The following EVA1A variants were observed in gnomAD, a reference collection of about 807,000 sequenced individuals.
EVA1A encodes the protein protein eva-1 homolog A.
Under a neutral mutation model 9.8 loss-of-function variants are expected in EVA1A, and 7 were observed. The ratio of observed to expected loss-of-function variants is 0.71; its 90% CI spans 0.41 to 1.34. The LOEUF is 1.34. Ranked by LOEUF, EVA1A falls within the 40% of genes most tolerant of loss-of-function variation. The pLI, the probability that EVA1A is intolerant of heterozygous loss-of-function variation, is 0.01. For missense variants in EVA1A, 206 were observed against 205.9 expected, an observed-to-expected ratio of 1.00 and a Z score of 0.00; for synonymous variants, 90 against 85.6, an observed-to-expected ratio of 1.05 and a Z score of -0.28.
At chr2:75,539,286 T>G (rs894687233) in intron 1 of EVA1A, among the ~76,000 whole-genome samples, 2 of 152,136 alleles carry the variant, frequency 1.3e-5, no homozygotes, top group Admixed American at 6.6e-5. Context: ...GAATATGAAG[T>G]GATTATACAC....
intron 1 of EVA1A, among the ~76,000 whole-genome samples, chr2:75,548,848 C>A (rs1188828154): frequency 6.6e-6 from 1 of 151,944 alleles, no homozygotes; most frequent in Non-Finnish European, 1.5e-5. Flanking sequence ...GAATGCCCAT[C>A]CCGTAATAAC....
chr2:75,539,185 T>C (rs1194475461), intron 1 of EVA1A, among the ~76,000 whole-genome samples: 1 of 152,198 alleles, frequency 6.6e-6, no homozygotes, highest in East Asian at 1.9e-4. Flanking sequence ...TTAGGGGAAA[T>C]ATCCTCTTTC....
intron 1 of EVA1A, among the ~76,000 whole-genome samples, chr2:75,527,034 GCAGA>G (rs1231624876): frequency 6.6e-6 from 1 of 152,158 alleles, no homozygotes; most frequent in Non-Finnish European, 1.5e-5. Flanking sequence ...CACAACTGGT[GCAGA>G]CAAACAGACT....
intron 1 of EVA1A, among the ~76,000 whole-genome samples, chr2:75,535,898 C>T (rs1470867168): frequency 6.6e-6 from 1 of 151,984 alleles, no homozygotes; most frequent in Non-Finnish European, 1.5e-5. Flanking sequence ...ATCCATGTAA[C>T]CAAAAAATAC....
intron 1 of EVA1A, among the ~76,000 whole-genome samples, chr2:75,557,088 C>A (rs1558694347): frequency 6.6e-6 from 1 of 152,168 alleles, no homozygotes. Context: ...GACCTCACCC[C>A]ACTGAAGTTT....
At position 75,492,697 on chromosome 2, in the gene EVA1A, G is replaced by A. The variant is rs1674073943; in HGVS notation, c.*539C>T. 1 of 153,036 alleles carries A rather than the reference G, an allele frequency of 6.5e-6. No individual in the cohort carries two copies. The highest frequency in any genetic ancestry group is 1.5e-5 in the Non-Finnish European group (1 of 68,388). 9.5% of individuals were successfully genotyped at this position (153,036 alleles called of 1,614,324 possible). On this transcript the variant is annotated 3_prime_UTR_variant, in exon 4 of 4. Coordinates refer to ENST00000393913, the MANE Select transcript of EVA1A (RefSeq NM_001135032.2). ...ACTAAAAAGTAGGATTTTAATCCCT[G>A]AGGTGCCAGTTAAAATGGACGAGGT...
chr2:75,541,022 G>A (rs190780396), intron 1 of EVA1A, among the ~76,000 whole-genome samples: 69 of 152,276 alleles, frequency 4.5e-4, no homozygotes, highest in Non-Finnish European at 6.2e-4. Flanking sequence ...TATACCTGCT[G>A]GACATCTCAT....
chr2:75,535,711 T>C (rs1161074305), intron 1 of EVA1A, among the ~76,000 whole-genome samples: 1 of 152,176 alleles, frequency 6.6e-6, no homozygotes, highest in Non-Finnish European at 1.5e-5. Flanking sequence ...TGTGTTCTCT[T>C]ACAAGTAGGA....
chr2:75,516,577 T>C (rs1274114868), intron 3 of EVA1A, among the ~76,000 whole-genome samples: 1 of 152,206 alleles, frequency 6.6e-6, no homozygotes, highest in Non-Finnish European at 1.5e-5. Flanking sequence ...GTTACCACTT[T>C]CAGTGGTCAC....
intron 1 of EVA1A, among the ~76,000 whole-genome samples, chr2:75,540,460 T>C (rs1239885294): frequency 2.0e-5 from 3 of 152,168 alleles, no homozygotes; most frequent in Admixed American, 6.5e-5. Flanking sequence ...TAAAGTTTCA[T>C]TGTATAAAGC....
At chr2:75,553,330 T>C (rs1676590606) in intron 1 of EVA1A, among the ~76,000 whole-genome samples, 2 of 152,248 alleles carry the variant, frequency 1.3e-5, no homozygotes, top group Admixed American at 6.5e-5. Flanking sequence ...CATTCATTGA[T>C]TGAGCATCTG....
chr2:75,505,208 G>A (rs1264027348), intron 3 of EVA1A, among the ~76,000 whole-genome samples: 31 of 152,146 alleles, frequency 2.0e-4, no homozygotes, highest in Non-Finnish European at 3.4e-4. Flanking sequence ...TTCAAAATTC[G>A]AATGCTTTTC....
intron 1 of EVA1A, among the ~76,000 whole-genome samples, chr2:75,553,042 C>T (rs1206977994): frequency 1.3e-5 from 2 of 152,220 alleles, no homozygotes; most frequent in Non-Finnish European, 2.9e-5. Context: ...GATTACCTTG[C>T]CCCTTCACAG....
At chr2:75,523,286 G>A (rs1332446149) in intron 1 of EVA1A, among the ~76,000 whole-genome samples, 3 of 152,202 alleles carry the variant, frequency 2.0e-5, no homozygotes, top group African/African-American at 7.2e-5. Flanking sequence ...AGAAAGAAAA[G>A]GAAACTGGAA....
At chr2:75,529,881 A>C (rs1343469831) in intron 1 of EVA1A, among the ~76,000 whole-genome samples, 1 of 152,238 alleles carries the variant, frequency 6.6e-6, no homozygotes, top group Non-Finnish European at 1.5e-5. Context: ...GGAGATGAAA[A>C]GAAGTAACAA....
intron 1 of EVA1A, among the ~76,000 whole-genome samples, chr2:75,553,538 C>T (rs1413249539): frequency 6.6e-6 from 1 of 152,222 alleles, no homozygotes; most frequent in African/African-American, 2.4e-5. Context: ...TTTCCAGAGC[C>T]TGGAACTGTG....
chr2:75,565,501 A>G (rs1677009556), upstream of EVA1A, among the ~76,000 whole-genome samples: 1 of 152,186 alleles, frequency 6.6e-6, no homozygotes, highest in Non-Finnish European at 1.5e-5. Flanking sequence ...TCTCTGCCGT[A>G]AGTGACTGAA....
chr2:75,524,356 T>TTGCAGGCAACATAAACTTACAAAA (rs1675342084), intron 1 of EVA1A, among the ~76,000 whole-genome samples: 1 of 151,880 alleles, frequency 6.6e-6, no homozygotes, highest in Non-Finnish European at 1.5e-5. Context: ...TCACTCAGTT[T>TTGCAGGCAACATAAACTTACAAAA]ATCACTGTCA....
At chr2:75,551,046 C>T (rs984879072) in intron 1 of EVA1A, among the ~76,000 whole-genome samples, 1 of 152,060 alleles carries the variant, frequency 6.6e-6, no homozygotes, top group African/African-American at 2.4e-5. Context: ...TCACTTGAAC[C>T]CAGGAGGCAG....
Sources: allele counts gnomAD v4.1 joint callset (sites outside exome capture counted in the v4.1 genomes callset), GRCh38; gene constraint gnomAD v4.1.1; transcripts MANE v1.5; gene names NCBI Gene and HGNC (gene_info 2026-07-23, HGNC 2026-07-21).